Variants in ZNF140 observed in about 807,000 individuals in gnomAD.
ZNF140 encodes zinc finger protein 140, also known as zinc finger protein 140 (clone pHZ-39).
A neutral mutation model predicts 12.9 loss-of-function variants in ZNF140; 13 were observed. The observed-to-expected ratio is 1.01, with a 90% CI of 0.66 to 1.60. The LOEUF (loss-of-function observed/expected upper bound fraction) is 1.60, where lower values mean the gene tolerates loss of function less well. ZNF140 is among the 40% of genes most tolerant of loss of function. The pLI is 0.00. For missense variants in ZNF140, 531 were observed against 548.8 expected (o/e 0.97, Z 0.32); for synonymous variants, 214 against 186.7 (o/e 1.15, Z -1.19).
intron 4 of ZNF140, among the ~76,000 whole-genome samples, chr12:133,088,921 A>G (rs1954768154): frequency 6.6e-6 from 1 of 152,212 alleles, no homozygotes; most frequent in African/African-American, 2.4e-5. Context: ...CCACTTGGGC[A>G]TGGAGTATAA....
At chr12:133,084,153 C>T in intron 4 of ZNF140, 1 of 440,128 alleles carries the variant, frequency 2.3e-6, no homozygotes, top group South Asian at 1.7e-5. Flanking sequence ...TGTCTGGTCT[C>T]TGAATTTCAT....
intron 4 of ZNF140, among the ~76,000 whole-genome samples, chr12:133,091,014 A>G (rs894656519): frequency 6.2e-4 from 92 of 149,022 alleles, no homozygotes; most frequent in Admixed American, 1.5e-3. Flanking sequence ...ATACCGAGAC[A>G]TTCAGTTCCC....
chr12:133,091,157 G>A lies in ZNF140; in HGVS notation c.232+7596G>A, dbSNP rs951244798. Among the ~76,000 whole-genome samples, 12 of 150,052 alleles carry A rather than the reference G, an allele frequency of 8.0e-5. 2 individuals carry two copies. Among genetic ancestry groups the A allele is most frequent in the Non-Finnish European group, 1.2e-4 (8 of 67,428 alleles). ...CGGTCAGGTCTTTCTCATCCCACGA[G>A]GCCATATTTCAGACTCTCACATTGG... On this transcript the variant is annotated intron_variant, in intron 4 of 4. Coordinates refer to ENST00000355557, the MANE Select transcript of ZNF140 (RefSeq NM_003440.4).
chr12:133,105,003 C>T (rs1252676204), intron 4 of ZNF140, among the ~76,000 whole-genome samples: 3 of 152,100 alleles, frequency 2.0e-5, no homozygotes, highest in Non-Finnish European at 4.4e-5. Flanking sequence ...CAAATATGAG[C>T]TTCATACTAG....
intron 4 of ZNF140, chr12:133,101,043 T>C (rs1315381325): frequency 1.6e-5 from 7 of 442,176 alleles, no homozygotes; most frequent in African/African-American, 1.4e-4. Flanking sequence ...CCCAGCCTTG[T>C]TCCTTTATAG....
intron 4 of ZNF140, among the ~76,000 whole-genome samples, chr12:133,096,953 G>A (rs1955152098): frequency 6.6e-6 from 1 of 152,186 alleles, no homozygotes; most frequent in Non-Finnish European, 1.5e-5. Flanking sequence ...GAGGGGTGTT[G>A]AAGTCCCCAA....
intron 4 of ZNF140, among the ~76,000 whole-genome samples, chr12:133,096,964 G>A (rs966689754): frequency 3.9e-5 from 6 of 152,334 alleles, no homozygotes; most frequent in African/African-American, 1.2e-4. Flanking sequence ...AAGTCCCCAA[G>A]TGTAATAGTG....
At chr12:133,087,956 C>T (rs1167280663) in intron 4 of ZNF140, among the ~76,000 whole-genome samples, 8 of 151,864 alleles carry the variant, frequency 5.3e-5, no homozygotes, top group African/African-American at 1.9e-4. Flanking sequence ...CATGGTGAAA[C>T]CCGTCTCTAC....
Position 133,105,709 on chromosome 12 carries a change from T to C in ZNF140, c.432T>C (p.His144=). 1 of 1,614,156 alleles carries C rather than the reference T, an allele frequency of 6.2e-7. No homozygotes were observed. The highest frequency in any genetic ancestry group is 8.5e-7 in the Non-Finnish European group (1 of 1,180,024). Residue 144 remains histidine (H), a synonymous_variant, in exon 5 of 5, where the codon CAT becomes CAC. Coordinates refer to ENST00000355557, the MANE Select transcript of ZNF140 (RefSeq NM_003440.4). ...GTATTAGGAAAGTAACAGTCTCTCA[T>C]CAAGAAGCCCTGGCTCAACATATGA... ...QGCIRKVTVS[H]QEALAQHMNI...
chr12:133,103,026 TTC>T (rs1439924143), intron 4 of ZNF140, among the ~76,000 whole-genome samples: 1 of 151,588 alleles, frequency 6.6e-6, no homozygotes, highest in African/African-American at 2.4e-5. Context: ...CCATTTTTTC[TTC>T]TTTTTAATTG....
At chr12:133,084,457 G>A (rs1439287838) in intron 4 of ZNF140, among the ~76,000 whole-genome samples, 4 of 152,264 alleles carry the variant, frequency 2.6e-5, no homozygotes, top group East Asian at 3.9e-4. Context: ...AGGAATTCAT[G>A]GCCTAGTGAT....
intron 4 of ZNF140, among the ~76,000 whole-genome samples, chr12:133,090,815 T>C (rs1293891773): frequency 3.8e-5 from 5 of 130,594 alleles, no homozygotes; most frequent in East Asian, 2.0e-4. Context: ...AGAATCTATA[T>C]CATAATTAGG....
chr12:133,085,199 A>G (rs2137489863), intron 4 of ZNF140, among the ~76,000 whole-genome samples: 1 of 152,184 alleles, frequency 6.6e-6, no homozygotes, highest in South Asian at 2.1e-4. Context: ...TAAGTTTTGT[A>G]TTTTTAGTAG....
At chr12:133,093,129 A>G (rs1222895817) in intron 4 of ZNF140, among the ~76,000 whole-genome samples, 1 of 151,228 alleles carries the variant, frequency 6.6e-6, no homozygotes, top group Non-Finnish European at 1.5e-5. Context: ...ATAGGAGGAT[A>G]ATGATACCCA....
At chr12:133,094,720 A>G (rs1955005846) in intron 4 of ZNF140, among the ~76,000 whole-genome samples, 2 of 151,388 alleles carry the variant, frequency 1.3e-5, no homozygotes, top group African/African-American at 4.9e-5. Context: ...AGGTTGGGCA[A>G]TAATGAGTGC....
At chr12:133,088,361 C>G (rs1208246159) in intron 4 of ZNF140, among the ~76,000 whole-genome samples, 1 of 152,204 alleles carries the variant, frequency 6.6e-6, no homozygotes, top group Non-Finnish European at 1.5e-5. Flanking sequence ...TTGGAATTAA[C>G]CTTTTCAAAA....
intron 4 of ZNF140, among the ~76,000 whole-genome samples, chr12:133,101,689 A>C (rs972082633): frequency 2.2e-4 from 34 of 152,100 alleles, no homozygotes; most frequent in Non-Finnish European, 5.0e-4. Flanking sequence ...GTGATCTGCC[A>C]GCCTCCACCT....
At position 133,095,485 on chromosome 12, in the gene ZNF140, T is replaced by C. The variant is rs1406542349; in HGVS notation, c.233-10025T>C. Among the ~76,000 whole-genome samples the C allele has an allele frequency of 5.3e-5, 8 of 151,070 alleles. 2 individuals carry two copies. In the Middle Eastern group the frequency reaches 0.024, roughly 456 times the overall value. On this transcript the variant is annotated intron_variant, in intron 4 of 4. Coordinates refer to ENST00000355557, the MANE Select transcript of ZNF140 (RefSeq NM_003440.4). Reference sequence around the variant, plus strand: ...TCGGGCGCCAGATGAAGGGGTGGCCTGCCCCTCCACACCTGTGGGTATTTC... The same window carrying C: ...TCGGGCGCCAGATGAAGGGGTGGCCCGCCCCTCCACACCTGTGGGTATTTC...
At chr12:133,090,468 T>C (rs1268642462) in intron 4 of ZNF140, among the ~76,000 whole-genome samples, 1 of 152,188 alleles carries the variant, frequency 6.6e-6, no homozygotes. Flanking sequence ...TTATTTCTTT[T>C]CTTCTTCCTT....
Sources: allele counts gnomAD v4.1 joint callset (sites outside exome capture counted in the v4.1 genomes callset), GRCh38; gene constraint gnomAD v4.1.1; transcripts MANE v1.5; gene names NCBI Gene and HGNC (gene_info 2026-07-23, HGNC 2026-07-21).